The following DCBLD1 variants were observed in gnomAD, a reference collection of about 807,000 sequenced individuals.
DCBLD1 encodes the protein discoidin, CUB and LCCL domain containing 1.
DCBLD1 carries 57 observed loss-of-function variants against 71.5 expected under a neutral mutation model. The observed-to-expected ratio is 0.80, with a 90% CI of 0.64 to 0.99. The LOEUF (loss-of-function observed/expected upper bound fraction) is 0.99, where lower values mean the gene tolerates loss of function less well. Among genes scored for constraint, DCBLD1 ranks in the 50% least tolerant of loss-of-function variants. The pLI, the probability that DCBLD1 is intolerant of heterozygous loss-of-function variation, is 0.00. For synonymous variants in DCBLD1, 380 were observed against 363.8 expected (o/e 1.04, Z -0.51); for missense variants, 891 against 923.5 (o/e 0.96, Z 0.46).
rs368245971 is a variant in DCBLD1 at position 117,543,099 on chromosome 6, C to T, written c.1358-25C>T. 7.5e-6 allele frequency: 12 copies of T among 1,591,468 alleles called. No homozygotes were observed. In the African/African-American group the frequency reaches 8.1e-5, roughly 11 times the overall value. On this transcript the variant is annotated intron_variant, in intron 11 of 14. Transcript: ENST00000338728. ...TGGTTGTTGGTCATTTATGTTGTAA[C>T]GTGATGGCTTTCCGTCTTCTTTAGG...
intron 1 of DCBLD1, among the ~76,000 whole-genome samples, chr6:117,493,952 G>C (rs1777382368): frequency 6.6e-6 from 1 of 152,114 alleles, no homozygotes; most frequent in Non-Finnish European, 1.5e-5. Flanking sequence ...TTGTATGTGT[G>C]TATCTGTATA....
At chr6:117,564,869 G>A (rs909341480) in intron 14 of DCBLD1, among the ~76,000 whole-genome samples, 4 of 152,176 alleles carry the variant, frequency 2.6e-5, no homozygotes, top group South Asian at 2.1e-4. Flanking sequence ...AACTGCTACT[G>A]CTATCTTTGT....
chr6:117,527,725 C>T (rs1778587974), intron 5 of DCBLD1, among the ~76,000 whole-genome samples: 1 of 151,110 alleles, frequency 6.6e-6, no homozygotes, highest in Non-Finnish European at 1.5e-5. Flanking sequence ...AACCATTTGT[C>T]AGGGATAGAC....
At chr6:117,520,964 A>G (rs1019575032) in intron 3 of DCBLD1, among the ~76,000 whole-genome samples, 7 of 152,364 alleles carry the variant, frequency 4.6e-5, no homozygotes, top group Admixed American at 2.0e-4. Flanking sequence ...GGTCCACTGT[A>G]TCTTAGCCTC....
intron 14 of DCBLD1, 143 bp from the exon 15 acceptor site, chr6:117,547,764 G>T: frequency 6.5e-7 from 1 of 1,531,166 alleles, no homozygotes; most frequent in Non-Finnish European, 8.8e-7. Context: ...TTCACATCAG[G>T]GTTTTCCGCA....
intron 12 of DCBLD1, 114 bp downstream of exon 12, chr6:117,543,325 A>G (rs953274142): frequency 2.4e-6 from 2 of 823,608 alleles, no homozygotes; most frequent in Non-Finnish European, 4.1e-6. Flanking sequence ...TTCTTTCAAA[A>G]TAAAATGTTA....
At chr6:117,555,182 A>G (rs574201058) in intron 14 of DCBLD1, among the ~76,000 whole-genome samples, 21 of 152,266 alleles carry the variant, frequency 1.4e-4, no homozygotes, top group East Asian at 3.9e-4. Flanking sequence ...GGTAAATTAC[A>G]TTTTCCTAGA....
At chr6:117,497,481 A>G (rs542667979) in intron 1 of DCBLD1, among the ~76,000 whole-genome samples, 1 of 152,300 alleles carries the variant, frequency 6.6e-6, no homozygotes, top group East Asian at 1.9e-4. Context: ...AGCATCTAGG[A>G]TTTGTTCTAA....
intron 14 of DCBLD1, chr6:117,560,954 C>G: frequency 4.7e-6 from 1 of 212,046 alleles, no homozygotes; most frequent in Non-Finnish European, 9.6e-6. Flanking sequence ...AAAATTGGTT[C>G]TCAGTCCTTT....
At chr6:117,526,438 A>G (rs532610572) in intron 5 of DCBLD1, among the ~76,000 whole-genome samples, 2 of 152,346 alleles carry the variant, frequency 1.3e-5, no homozygotes, top group East Asian at 1.9e-4. Flanking sequence ...TTTCCCAGCA[A>G]TAGAAAGTTT....
intron 14 of DCBLD1, chr6:117,547,560 T>C (rs1435082158): frequency 1.8e-6 from 1 of 556,076 alleles, no homozygotes. Flanking sequence ...TCGAGGCTGT[T>C]TTTTTCTCCA....
At chr6:117,537,638 C>CTTTT (rs1249795592) in intron 7 of DCBLD1, among the ~76,000 whole-genome samples, 193 of 57,732 alleles carry the variant, frequency 3.3e-3, no homozygotes, top group East Asian at 5.7e-3. Flanking sequence ...TTTTTTTTTC[C>CTTTT]TTTTTTCTCA....
At chr6:117,559,021 C>T (rs529344132) in intron 14 of DCBLD1, among the ~76,000 whole-genome samples, 84 of 152,286 alleles carry the variant, frequency 5.5e-4, no homozygotes, top group Non-Finnish European at 1.0e-3. Context: ...CTTTTCTGCA[C>T]ACCATTTGTG....
chr6:117,545,392 A>C (rs1457450217), intron 13 of DCBLD1, 86 bp from the exon 14 acceptor site: 1 of 1,547,160 alleles, frequency 6.5e-7, no homozygotes, highest in Non-Finnish European at 8.8e-7. Context: ...AGGCAGCCTG[A>C]CCTCTGACTC....
Position 117,538,542 on chromosome 6 carries a change from G to A in DCBLD1, c.761-78G>A, listed in dbSNP as rs1778976466. ...AAGTCAACTAGTTGAATATTTCTAG[G>A]TGAGATGTGGTACTACTTTTTTTTT... On this transcript the variant is annotated intron_variant, in intron 7 of 14. Coordinates refer to ENST00000338728, the MANE Select transcript of DCBLD1 (RefSeq NM_001366458.2). The A allele has an allele frequency of 2.3e-6, 3 of 1,312,116 alleles. No homozygotes were observed. In the East Asian group the frequency reaches 6.9e-5, roughly 30 times the overall value. 81.3% of individuals were successfully genotyped at this position (1,312,116 alleles called of 1,614,324 possible). A position where few individuals can be genotyped will look rare whatever the true frequency, so the allele number is the denominator to read the frequency against.
chr6:117,568,700 C>A (rs1337681940), intron 14 of DCBLD1, among the ~76,000 whole-genome samples: 1 of 152,168 alleles, frequency 6.6e-6, no homozygotes, highest in African/African-American at 2.4e-5. Context: ...CATGGAGACA[C>A]AGATTTCAGG....
chr6:117,535,186 C>T (rs1471290927), intron 6 of DCBLD1, among the ~76,000 whole-genome samples: 1 of 152,136 alleles, frequency 6.6e-6, no homozygotes, highest in African/African-American at 2.4e-5. Flanking sequence ...GAAGGAGTCC[C>T]TAAAGTAAAT....
At chr6:117,532,444 A>G in intron 6 of DCBLD1, 51 bp downstream of exon 6, 1 of 1,508,796 alleles carries the variant, frequency 6.6e-7, no homozygotes, top group Non-Finnish European at 8.9e-7. Flanking sequence ...GTAACCCTGA[A>G]GGATAATTAA....
chr6:117,532,966 T>C (rs1778771974), intron 6 of DCBLD1, among the ~76,000 whole-genome samples: 1 of 152,228 alleles, frequency 6.6e-6, no homozygotes, highest in Non-Finnish European at 1.5e-5. Context: ...ACTTAATCTT[T>C]TCATATTTTC....
Sources: allele counts gnomAD v4.1 joint callset (sites outside exome capture counted in the v4.1 genomes callset), GRCh38; gene constraint gnomAD v4.1.1; transcripts MANE v1.5; gene names NCBI Gene and HGNC (gene_info 2026-07-23, HGNC 2026-07-21).